DNTT: variants seen among roughly 807,000 people sequenced by gnomAD.
DNTT encodes the protein nucleosidetriphosphate:DNA deoxynucleotidylexotransferase.
DNTT carries 47 observed loss-of-function variants against 60.9 expected under a neutral mutation model. The observed-to-expected ratio is 0.77, with a 90% CI of 0.61 to 0.98. The LOEUF (loss-of-function observed/expected upper bound fraction) is 0.98. DNTT is among the 50% of genes least tolerant of loss of function. The probability of loss-of-function intolerance (pLI) is 0.00; values close to 1 mark genes in which losing one functional copy is unlikely to be tolerated. For missense variants in DNTT, 665 were observed against 627.5 expected (o/e 1.06, Z -0.64); for synonymous variants, 224 against 221.2 (o/e 1.01, Z -0.11).
chr10:96,314,003 G>A (rs1393471905), intron 1 of DNTT, among the ~76,000 whole-genome samples: 2 of 152,224 alleles, frequency 1.3e-5, no homozygotes, highest in African/African-American at 4.8e-5. Context: ...GTCTTGATGT[G>A]TGGCTATGGC....
chr10:96,308,213 T>G (rs548430650), intron 1 of DNTT, among the ~76,000 whole-genome samples: 7 of 152,308 alleles, frequency 4.6e-5, no homozygotes, highest in African/African-American at 1.7e-4. Context: ...TTAGAAATGG[T>G]GTACCTCAAA....
intron 1 of DNTT, among the ~76,000 whole-genome samples, chr10:96,316,386 C>T (rs1348431004): frequency 6.6e-6 from 1 of 152,108 alleles, no homozygotes; most frequent in East Asian, 1.9e-4. Flanking sequence ...TACCCCATTA[C>T]GCTCCCCTCC....
chr10:96,327,578 A>G lies in DNTT; in HGVS notation c.985A>G (p.Thr329Ala). The G allele has an allele frequency of 6.2e-7, 1 of 1,613,866 alleles. No individual in the cohort carries two copies. ...GGCATTTCTTCCGGATGCTTTCGTC[A>G]CCATGACAGGAGGGTTCCGGAGGTA... is the stretch of plus-strand genomic sequence containing the variant. ...VWAFLPDAFV[T>A]MTGGFRRGKK... Residue 329 changes from threonine to alanine, a missense_variant, in exon 7 of 11, where the codon ACC (threonine) becomes GCC (alanine). By Grantham distance (58) the Thr-to-Ala change is moderately conservative. Transcript: ENST00000371174.
intron 8 of DNTT, among the ~76,000 whole-genome samples, chr10:96,330,449 C>T (rs1379678766): frequency 1.3e-5 from 2 of 151,634 alleles, no homozygotes; most frequent in Admixed American, 6.6e-5. Context: ...CTATTCTGTA[C>T]TAGTTTCAGC....
intron 1 of DNTT, among the ~76,000 whole-genome samples, chr10:96,309,984 G>A (rs1180621065): frequency 6.6e-6 from 1 of 152,170 alleles, no homozygotes; most frequent in Non-Finnish European, 1.5e-5. Context: ...ACCCTTCAAA[G>A]AGGTAACTCC....
intron 2 of DNTT, among the ~76,000 whole-genome samples, chr10:96,318,801 G>A (rs1006199429): frequency 1.3e-5 from 2 of 152,146 alleles, no homozygotes; most frequent in African/African-American, 4.8e-5. Flanking sequence ...ACGAGTGGTC[G>A]CTATTTTCCC....
At chr10:96,337,855 T>A (rs956167536) in intron 10 of DNTT, among the ~76,000 whole-genome samples, 10 of 152,232 alleles carry the variant, frequency 6.6e-5, no homozygotes, top group African/African-American at 1.7e-4. Context: ...CTCCATCAGG[T>A]TGTTCTAATA....
At chr10:96,316,778 C>T (rs1844791588) in intron 1 of DNTT, among the ~76,000 whole-genome samples, 1 of 152,210 alleles carries the variant, frequency 6.6e-6, no homozygotes, top group South Asian at 2.1e-4. Flanking sequence ...CATGGCAGAT[C>T]TTCATGCCTC....
intron 1 of DNTT, among the ~76,000 whole-genome samples, chr10:96,316,667 T>C (rs1448995211): frequency 6.6e-6 from 1 of 152,222 alleles, no homozygotes; most frequent in African/African-American, 2.4e-5. Flanking sequence ...AACCCTAAGT[T>C]CTGCCTTTTA....
At chr10:96,305,322 T>C (rs1844620782) in intron 1 of DNTT, among the ~76,000 whole-genome samples, 1 of 152,210 alleles carries the variant, frequency 6.6e-6, no homozygotes, top group South Asian at 2.1e-4. Context: ...CTGAGTGAGA[T>C]GTAATCAGAG....
At chr10:96,338,002 A>C in intron 10 of DNTT, 136 bp from the exon 11 acceptor site, 1 of 648,642 alleles carries the variant, frequency 1.5e-6, no homozygotes, top group Non-Finnish European at 2.5e-6. Context: ...GACTTTTTAT[A>C]CTCAGAAGCA....
Position 96,316,233 on chromosome 10 carries a change from C to G in DNTT, c.204-2119C>G, listed in dbSNP as rs555296917. Among the ~76,000 whole-genome samples, 4 of 152,296 alleles carry G rather than the reference C, an allele frequency of 2.6e-5. No individual in the cohort carries two copies. In the East Asian group the frequency reaches 7.7e-4, roughly 29 times the overall value. On this transcript the variant is annotated intron_variant, in intron 1 of 10. Transcript: ENST00000371174. Reference sequence around the variant, plus strand: ...TAATATGCTGGAGTAATATTTGACTCCCTCCCTGAATTCATCTTTCATAGG... The same window carrying G: ...TAATATGCTGGAGTAATATTTGACTGCCTCCCTGAATTCATCTTTCATAGG...
intron 1 of DNTT, among the ~76,000 whole-genome samples, chr10:96,313,253 T>C (rs1844742370): frequency 6.6e-6 from 1 of 152,166 alleles, no homozygotes; most frequent in African/African-American, 2.4e-5. Context: ...TCTCTGAGGT[T>C]GAGGTTGGCT....
intron 1 of DNTT, among the ~76,000 whole-genome samples, chr10:96,309,561 C>G (rs967975349): frequency 1.3e-5 from 2 of 151,998 alleles, no homozygotes; most frequent in African/African-American, 4.8e-5. Flanking sequence ...GCTGCTTGCC[C>G]TTTCCATTCA....
At chr10:96,316,799 A>C (rs963860748) in intron 1 of DNTT, among the ~76,000 whole-genome samples, 1 of 152,192 alleles carries the variant, frequency 6.6e-6, no homozygotes, top group Non-Finnish European at 1.5e-5. Context: ...ATGTCTTGTC[A>C]TAATTCACAT....
At chr10:96,327,405 C>T (rs1564873648) in intron 6 of DNTT, 63 bp from the exon 7 acceptor site, 1 of 1,612,500 alleles carries the variant, frequency 6.2e-7, no homozygotes, top group Non-Finnish European at 8.5e-7. Context: ...TCCCCTTCTA[C>T]TGAGGGCTGG....
At chr10:96,310,393 G>A (rs958790004) in intron 1 of DNTT, among the ~76,000 whole-genome samples, 2 of 152,202 alleles carry the variant, frequency 1.3e-5, no homozygotes, top group Non-Finnish European at 2.9e-5. Context: ...AGTCGAAGGA[G>A]GTCAGTTTCC....
chr10:96,332,270 A>C, intron 8 of DNTT, 81 bp from the exon 9 acceptor site: 1 of 1,550,434 alleles, frequency 6.4e-7, no homozygotes, highest in South Asian at 1.3e-5. Flanking sequence ...GAATCTGAAA[A>C]GATTTCATTA....
chr10:96,333,574 C>T (rs1246687589), intron 9 of DNTT, among the ~76,000 whole-genome samples: 1 of 152,214 alleles, frequency 6.6e-6, no homozygotes, highest in African/African-American at 2.4e-5. Context: ...ACCTAAGCAT[C>T]CACAGCAGAT....
Sources: gnomAD v4.1 joint callset for allele counts (sites outside exome capture counted in the v4.1 genomes callset) on GRCh38, gnomAD v4.1.1 for gene constraint, MANE v1.5 for transcripts, NCBI Gene and HGNC (gene_info 2026-07-23, HGNC 2026-07-21) for gene names.